Variants in SLC39A8 observed in about 807,000 individuals in gnomAD.
The protein encoded by SLC39A8 is metal cation symporter ZIP8.
A neutral mutation model predicts 40.4 loss-of-function variants in SLC39A8; 15 were observed. The ratio of observed to expected loss-of-function variants is 0.37; its 90% CI spans 0.25 to 0.57. The LOEUF is 0.57. Among genes scored for constraint, SLC39A8 ranks in the 20% least tolerant of loss-of-function variants. The pLI, the probability that SLC39A8 is intolerant of heterozygous loss-of-function variation, is 0.75. For synonymous variants in SLC39A8, 223 were observed against 221.6 expected (o/e 1.01, Z -0.06); for missense variants, 472 against 558.8 (o/e 0.84, Z 1.57).
At chr4:102,261,073 C>T (rs1276871116), downstream of SLC39A8, among the ~76,000 whole-genome samples, 1 of 152,212 alleles carries the variant, frequency 6.6e-6, no homozygotes. Flanking sequence ...GACATTGCCA[C>T]CCACAGTTGT....
chr4:102,273,457 T>G (rs1732462199), intron 6 of SLC39A8, among the ~76,000 whole-genome samples: 1 of 152,148 alleles, frequency 6.6e-6, no homozygotes, highest in Non-Finnish European at 1.5e-5. Flanking sequence ...GAGAAGCTTA[T>G]AGATAAAACT....
intron 6 of SLC39A8, among the ~76,000 whole-genome samples, chr4:102,270,655 C>T (rs2149007070): frequency 6.6e-6 from 1 of 152,304 alleles, no homozygotes; most frequent in African/African-American, 2.4e-5. Context: ...AGTGAAAAGA[C>T]ACTAAGTCTG....
intron 2 of SLC39A8, among the ~76,000 whole-genome samples, chr4:102,336,387 G>A (rs1735675514): frequency 6.6e-6 from 1 of 152,168 alleles, no homozygotes; most frequent in Non-Finnish European, 1.5e-5. Flanking sequence ...AAGCCAGATT[G>A]TAAACCATTA....
chr4:102,290,765 G>A (rs979782148), intron 6 of SLC39A8, among the ~76,000 whole-genome samples: 2 of 152,012 alleles, frequency 1.3e-5, no homozygotes, highest in African/African-American at 4.8e-5. Flanking sequence ...CATTAAGAGA[G>A]AGCCTATTAA....
At chr4:102,273,536 G>A (rs1213892739) in intron 6 of SLC39A8, among the ~76,000 whole-genome samples, 1 of 152,158 alleles carries the variant, frequency 6.6e-6, no homozygotes, top group African/African-American at 2.4e-5. Context: ...CGACTTAAAC[G>A]TTACTGCCTG....
In SLC39A8 at chr4:102,324,524, C is replaced by T. The variant is rs530895750; in HGVS notation, c.220-8694G>A. Among the ~76,000 whole-genome samples the T allele has an allele frequency of 3.6e-4, 55 of 151,836 alleles. 1 individual carries two copies. The highest frequency in any genetic ancestry group is 3.4e-3 in the Middle Eastern group (1 of 294). On this transcript the variant is annotated intron_variant, in intron 2 of 8. Coordinates refer to ENST00000356736, the MANE Select transcript of SLC39A8 (RefSeq NM_001135146.2). Reference sequence around the variant, plus strand: ...TTTCATAATTTTGTTTAGTTTGCAGCTATGAACTTAAACCATTTTTGCAGT... The same window carrying T: ...TTTCATAATTTTGTTTAGTTTGCAGTTATGAACTTAAACCATTTTTGCAGT...
chr4:102,251,661 G>A (rs1315058542), exon 12 of SLC39A8: 1 of 152,262 alleles, frequency 6.6e-6, no homozygotes, highest in Non-Finnish European at 1.5e-5. Flanking sequence ...GATGCAGTGA[G>A]AGTCAATCGC....
At chr4:102,292,528 A>C (rs1412357448) in intron 6 of SLC39A8, among the ~76,000 whole-genome samples, 1 of 152,070 alleles carries the variant, frequency 6.6e-6, no homozygotes, top group Non-Finnish European at 1.5e-5. Context: ...TGAATCTTCA[A>C]AATGATCCCC....
intron 6 of SLC39A8, among the ~76,000 whole-genome samples, chr4:102,274,802 A>G (rs889340113): frequency 6.6e-6 from 1 of 152,258 alleles, no homozygotes; most frequent in Non-Finnish European, 1.5e-5. Flanking sequence ...AATATTCAAC[A>G]TTCTTAAATA....
At chr4:102,320,210 T>C (rs1315342218) in intron 2 of SLC39A8, among the ~76,000 whole-genome samples, 2 of 138,358 alleles carry the variant, frequency 1.4e-5, no homozygotes, top group East Asian at 4.1e-4. Context: ...TATGTATATA[T>C]ATATGTATAT....
intron 6 of SLC39A8, among the ~76,000 whole-genome samples, chr4:102,303,737 C>T (rs1303124845): frequency 6.6e-6 from 1 of 151,032 alleles, no homozygotes; most frequent in Middle Eastern, 3.2e-3. Flanking sequence ...CAATATAGTT[C>T]TAATACATAA....
intron 2 of SLC39A8, among the ~76,000 whole-genome samples, chr4:102,340,402 G>C (rs1735891430): frequency 1.3e-5 from 2 of 152,142 alleles, no homozygotes; most frequent in Admixed American, 6.5e-5. Flanking sequence ...GCATTGAAGG[G>C]ACTTCGACTA....
intron 2 of SLC39A8, 96 bp from the exon 3 acceptor site, chr4:102,315,926 G>T: frequency 2.0e-6 from 2 of 1,012,570 alleles, no homozygotes; most frequent in Non-Finnish European, 2.7e-6. Flanking sequence ...TCATCTAGAT[G>T]CACAGCACTC....
At chr4:102,286,622 T>C (rs1733193892) in intron 6 of SLC39A8, among the ~76,000 whole-genome samples, 1 of 152,102 alleles carries the variant, frequency 6.6e-6, no homozygotes. Flanking sequence ...AAACACATAA[T>C]AACAACTTGG....
intron 6 of SLC39A8, among the ~76,000 whole-genome samples, chr4:102,291,005 T>C (rs1733414888): frequency 6.6e-6 from 1 of 152,044 alleles, no homozygotes; most frequent in Admixed American, 6.6e-5. Flanking sequence ...TGACTTCCAT[T>C]CTCTTTTGAA....
intron 6 of SLC39A8, among the ~76,000 whole-genome samples, chr4:102,299,991 A>C (rs897559939): frequency 3.9e-5 from 6 of 152,096 alleles, no homozygotes; most frequent in Admixed American, 3.3e-4. Context: ...AGAGAAAAAC[A>C]CAAAGCATGT....
Position 102,344,604 on chromosome 4 carries a change from C to G in SLC39A8, c.59G>C (p.Gly20Ala), listed in dbSNP as rs761480347. ...LLLLAAAGLGGVAEGPGLAFS... is the reference protein window; with the variant it reads ...LLLLAAAGLGAVAEGPGLAFS... ...GGCTAGCCCTGGCCCCTCCGCCACT[C>G]CTCCGAGGCCGGCGGCCGCCAGCAA... Residue 20 changes from glycine (G) to alanine (A), a missense_variant, in exon 2 of 9, where the codon GGA becomes GCA. Gly to Ala is a moderately conservative substitution (Grantham distance 60). Around this residue, in one of 4 missense-constraint regions of SLC39A8, gnomAD observed 175 missense variants for 160.5 expected, o/e 1.09. Coordinates refer to ENST00000356736, the MANE Select transcript of SLC39A8 (RefSeq NM_001135146.2). 9.1e-6 allele frequency: 14 copies of G among 1,541,242 alleles called. No individual in the cohort carries two copies. In the Admixed American group the frequency reaches 2.8e-4, roughly 31 times the overall value.
At chr4:102,258,088 T>C (rs1359055895), downstream of SLC39A8, among the ~76,000 whole-genome samples, 8 of 151,210 alleles carry the variant, frequency 5.3e-5, no homozygotes, top group Non-Finnish European at 1.0e-4. Context: ...AGGTTTGTTG[T>C]AAGTAAGTGT....
intron 6 of SLC39A8, among the ~76,000 whole-genome samples, chr4:102,282,345 C>A (rs1364173499): frequency 6.6e-6 from 1 of 152,160 alleles, no homozygotes; most frequent in East Asian, 1.9e-4. Flanking sequence ...AGCATGTATT[C>A]CAGTCTTTCC....
Sources: gnomAD v4.1 joint callset for allele counts (sites outside exome capture counted in the v4.1 genomes callset) on GRCh38, gnomAD v4.1.1 for gene constraint, gnomAD v4.1.1 regional missense constraint, MANE v1.5 for transcripts, NCBI Gene and HGNC (gene_info 2026-07-23, HGNC 2026-07-21) for gene names.